Variants in ADCK1 observed in about 807,000 individuals in gnomAD.
ADCK1 encodes the protein aarF domain containing kinase 1, also known as aarF domain-containing protein kinase 1.
A neutral mutation model predicts 52.3 loss-of-function variants in ADCK1; 41 were observed. The observed-to-expected ratio is 0.78, with a 90% CI of 0.61 to 1.02. The LOEUF is 1.02. ADCK1 is among the 50% of genes least tolerant of loss of function. ADCK1 has a pLI of 0.00. For synonymous variants in ADCK1, 250 were observed against 274.6 expected, an observed-to-expected ratio of 0.91 and a Z score of 0.89; for missense variants, 658 against 679.5, an observed-to-expected ratio of 0.97 and a Z score of 0.35.
chr14:77,824,095 C>T (rs780901162), intron 3 of ADCK1, among the ~76,000 whole-genome samples: 5 of 151,450 alleles, frequency 3.3e-5, no homozygotes, highest in South Asian at 2.1e-4. Context: ...GACAGGGTTT[C>T]GCCATGACGG....
intron 5 of ADCK1, among the ~76,000 whole-genome samples, chr14:77,892,099 T>C (rs2083295144): frequency 6.6e-6 from 1 of 152,180 alleles, no homozygotes. Flanking sequence ...GCCCTTATGC[T>C]TCTCTCCCAC....
At chr14:77,901,426 G>A (rs1389038038) in intron 6 of ADCK1, among the ~76,000 whole-genome samples, 1 of 147,714 alleles carries the variant, frequency 6.8e-6, no homozygotes, top group African/African-American at 2.5e-5. Flanking sequence ...GTCTCACTCT[G>A]TCACCCAGGC....
At chr14:77,812,690 A>G (rs1397855536) in intron 1 of ADCK1, among the ~76,000 whole-genome samples, 1 of 151,974 alleles carries the variant, frequency 6.6e-6, no homozygotes, top group Admixed American at 6.6e-5. Flanking sequence ...CCTGGGTTCA[A>G]GCAATTCTCG....
chr14:77,858,952 A>G (rs2082482746), intron 3 of ADCK1, 124 bp from the exon 4 acceptor site: 2 of 858,614 alleles, frequency 2.3e-6, no homozygotes, highest in East Asian at 2.5e-5. Flanking sequence ...GTGTGTGTGC[A>G]TGCATCTGCC....
chr14:77,891,998 G>A (rs959004386), intron 5 of ADCK1, among the ~76,000 whole-genome samples: 1 of 152,094 alleles, frequency 6.6e-6, no homozygotes, highest in African/African-American at 2.4e-5. Context: ...GGACATTTAG[G>A]GCTACCAGAA....
chr14:77,844,225 C>G (rs140780004), intron 3 of ADCK1, among the ~76,000 whole-genome samples: 1 of 152,020 alleles, frequency 6.6e-6, no homozygotes, highest in Admixed American at 6.6e-5. Context: ...GGACTACAAG[C>G]GCACACCACC....
chr14:77,810,169 TG>T (rs2081311076), intron 1 of ADCK1, among the ~76,000 whole-genome samples: 1 of 152,034 alleles, frequency 6.6e-6, no homozygotes, highest in South Asian at 2.1e-4. Context: ...GTAAGTGCGA[TG>T]GCACTCACCA....
intron 3 of ADCK1, among the ~76,000 whole-genome samples, chr14:77,852,897 ATATATATATATTTTTTTT>A (rs1214462391): frequency 1.2e-4 from 4 of 34,726 alleles, no homozygotes; most frequent in African/African-American, 3.0e-4. Context: ...ATATATATAT[ATATATATATATTTTTTTT>A]TTTTTTTTTT....
chr14:77,850,518 G>A (rs975493812), intron 3 of ADCK1, among the ~76,000 whole-genome samples: 3 of 151,996 alleles, frequency 2.0e-5, no homozygotes, highest in Non-Finnish European at 2.9e-5. Flanking sequence ...TCCTCTTGAT[G>A]GATTGATCCC....
At chr14:77,906,344 C>T (rs998541750) in intron 6 of ADCK1, among the ~76,000 whole-genome samples, 1 of 152,216 alleles carries the variant, frequency 6.6e-6, no homozygotes, top group African/African-American at 2.4e-5. Context: ...ACTCGGCATG[C>T]TGGAAGCCCA....
intron 3 of ADCK1, among the ~76,000 whole-genome samples, chr14:77,829,268 C>A (rs1035898020): frequency 6.7e-6 from 1 of 148,580 alleles, no homozygotes; most frequent in Non-Finnish European, 1.5e-5. Context: ...CATACACACA[C>A]TTCTGTCTTT....
At chr14:77,825,753 T>C (rs919341926) in intron 3 of ADCK1, among the ~76,000 whole-genome samples, 2 of 151,718 alleles carry the variant, frequency 1.3e-5, no homozygotes, top group Admixed American at 6.6e-5. Context: ...GTGATTCTCC[T>C]GCCTCAGCCT....
intron 2 of ADCK1, among the ~76,000 whole-genome samples, chr14:77,819,534 A>G (rs2081537438): frequency 2.0e-5 from 3 of 152,230 alleles, no homozygotes; most frequent in Admixed American, 2.0e-4. Flanking sequence ...CCAGTGAGCT[A>G]GGATGAATGG....
At chr14:77,871,952 C>T (rs942784014) in intron 4 of ADCK1, among the ~76,000 whole-genome samples, 1 of 152,230 alleles carries the variant, frequency 6.6e-6, no homozygotes, top group Non-Finnish European at 1.5e-5. Flanking sequence ...CCCAGGCTTT[C>T]TAACCCCAGC....
intron 5 of ADCK1, among the ~76,000 whole-genome samples, chr14:77,895,909 C>T (rs529498635): frequency 3.3e-5 from 5 of 152,180 alleles, no homozygotes; most frequent in South Asian, 2.1e-4. Context: ...GGTGACATTC[C>T]ATAAATCTGA....
intron 1 of ADCK1, among the ~76,000 whole-genome samples, chr14:77,804,536 C>T (rs77975358): frequency 0.021 from 3,170 of 149,524 alleles, 106 homozygotes; most frequent in African/African-American, 0.072. Flanking sequence ...GGGGTGGCCT[C>T]ATTGCATACA....
intron 7 of ADCK1, among the ~76,000 whole-genome samples, chr14:77,913,549 G>T (rs547506051): frequency 2.0e-5 from 3 of 152,218 alleles, no homozygotes; most frequent in Non-Finnish European, 4.4e-5. Context: ...GGTCGTGCAG[G>T]AGTCCTCTTT....
At chr14:77,839,768 C>T (rs2082028047) in intron 3 of ADCK1, among the ~76,000 whole-genome samples, 1 of 151,458 alleles carries the variant, frequency 6.6e-6, no homozygotes, top group African/African-American at 2.4e-5. Flanking sequence ...ACTAAAAATA[C>T]AAAAATTAGC....
intron 7 of ADCK1, among the ~76,000 whole-genome samples, chr14:77,920,671 G>A (rs929189703): frequency 6.6e-6 from 1 of 152,138 alleles, no homozygotes; most frequent in African/African-American, 2.4e-5. Context: ...TATTTAGAGA[G>A]AAGGTCTCGC....
Sources: allele counts gnomAD v4.1 joint callset (sites outside exome capture counted in the v4.1 genomes callset), GRCh38; gene constraint gnomAD v4.1.1; transcripts MANE v1.5; gene names NCBI Gene and HGNC (gene_info 2026-07-23, HGNC 2026-07-21).